GUSB: variants seen among roughly 807,000 people sequenced by gnomAD.
The protein encoded by GUSB is beta-glucuronidase.
GUSB carries 51 observed loss-of-function variants against 74.6 expected under a neutral mutation model. The ratio of observed to expected loss-of-function variants is 0.68; its 90% confidence interval spans 0.55 to 0.86. GUSB has a LOEUF of 0.86. Ranked by LOEUF, GUSB falls within the 40% of genes least tolerant of loss-of-function variation. The pLI is 0.00. For synonymous variants in GUSB, 360 were observed against 348.3 expected, an observed-to-expected ratio of 1.03 and a Z score of -0.37; for missense variants, 736 against 853.7, an observed-to-expected ratio of 0.86 and a Z score of 1.72.
chr7:65,962,196 G>T (rs1214655013), intron 11 of GUSB, among the ~76,000 whole-genome samples: 2 of 152,084 alleles, frequency 1.3e-5, no homozygotes, highest in African/African-American at 2.4e-5. Flanking sequence ...ACAGGTCCCT[G>T]CGTGGGACCT....
chr7:65,970,452 C>A, intron 8 of GUSB, 86 bp from the exon 9 acceptor site: 3 of 846,342 alleles, frequency 3.5e-6, no homozygotes, highest in South Asian at 1.4e-5. Flanking sequence ...CATCTTCCAC[C>A]GCCAGAACAC....
At chr7:65,968,905 G>A (rs1449217107) in intron 9 of GUSB, among the ~76,000 whole-genome samples, 1 of 152,076 alleles carries the variant, frequency 6.6e-6, no homozygotes, top group Non-Finnish European at 1.5e-5. Flanking sequence ...GGATCTTGAG[G>A]GAGCTTTCAC....
Position 65,961,033 on chromosome 7 carries a change from C to A in GUSB, c.1820G>T (p.Gly607Val). 6.2e-7 allele frequency: 1 copy of A among 1,613,658 alleles called. No individual in the cohort carries two copies. The highest frequency in any genetic ancestry group is 8.5e-7 in the Non-Finnish European group (1 of 1,179,918). Residue 607 changes from glycine (G) to valine (V), a missense_variant, in exon 12 of 12, where the codon GGG becomes GTG. Physicochemically the swap from Gly to Val is moderately radical, Grantham distance 109. Around this residue, in one of 2 missense-constraint regions of GUSB, gnomAD observed 368 missense variants for 489.9 expected, o/e 0.75. Coordinates refer to ENST00000304895, the MANE Select transcript of GUSB (RefSeq NM_000181.4). ...SPTRVLGNKK[G>V]IFTRQRQPKS... ...TGGTTGTCTCTGCCGAGTGAAGATC[C>A]CCTTTTTATTCCCCAGCACTCTCGT...
chr7:65,980,184 T>TGGGGGGGGGG, intron 2 of GUSB, 40 bp downstream of exon 2: 3 of 720,098 alleles, frequency 4.2e-6, no homozygotes, highest in Non-Finnish European at 7.4e-6. Flanking sequence ...TCAGCAGCCG[T>TGGGGGGGGGG]GCCCCCCCAC....
chr7:65,972,025 G>A (rs1791246139), intron 8 of GUSB, among the ~76,000 whole-genome samples: 1 of 152,058 alleles, frequency 6.6e-6, no homozygotes, highest in Non-Finnish European at 1.5e-5. Context: ...GGCAACAAGT[G>A]CAAAACTCCA....
At chr7:65,978,793 A>C (rs1791776791) in intron 4 of GUSB, among the ~76,000 whole-genome samples, 1 of 151,950 alleles carries the variant, frequency 6.6e-6, no homozygotes, top group Non-Finnish European at 1.5e-5. Context: ...GAAGAAAAAA[A>C]GAAAGACAGG....
intron 8 of GUSB, 107 bp downstream of exon 8, chr7:65,974,188 A>T: frequency 9.5e-7 from 1 of 1,057,368 alleles, no homozygotes; most frequent in Non-Finnish European, 1.5e-6. Flanking sequence ...CGGCCTTCCC[A>T]TTGGGCTGGA....
At chr7:65,974,021 C>G (rs1791390122) in intron 8 of GUSB, among the ~76,000 whole-genome samples, 1 of 151,484 alleles carries the variant, frequency 6.6e-6, no homozygotes, top group Non-Finnish European at 1.5e-5. Context: ...CACTTGAACC[C>G]AGGAGGCAGA....
chr7:65,977,757 C>T (rs1419651499), intron 4 of GUSB, among the ~76,000 whole-genome samples: 5 of 151,816 alleles, frequency 3.3e-5, no homozygotes, highest in Non-Finnish European at 5.9e-5. Context: ...TGCACTCCAG[C>T]CTGGGCCACA....
intron 8 of GUSB, among the ~76,000 whole-genome samples, chr7:65,973,840 A>G (rs533665225): frequency 6.6e-6 from 1 of 152,226 alleles, no homozygotes; most frequent in African/African-American, 2.4e-5. Flanking sequence ...CTGAGACAGG[A>G]GGATCACCTG....
chr7:65,970,195 G>T, intron 9 of GUSB, 87 bp downstream of exon 9: 1 of 814,398 alleles, frequency 1.2e-6, no homozygotes, highest in South Asian at 1.3e-5. Context: ...GGCAGCGCAT[G>T]GTTCTTCCTG....
In GUSB at chr7:65,964,397, C is replaced by T; in HGVS notation, c.1715G>A (p.Gly572Asp). 1 of 1,610,706 alleles carries T rather than the reference C, an allele frequency of 6.2e-7. No homozygotes were observed. The highest frequency in any genetic ancestry group is 1.1e-5 in the South Asian group (1 of 90,976). The change falls in exon 11 of 12, where the codon GGT (glycine) becomes GAT (aspartate). Residue 572 changes from glycine (G) to aspartate (D), a missense_variant. By Grantham distance (94) the Gly-to-Asp change is moderately conservative. Around this residue, in one of 2 missense-constraint regions of GUSB, gnomAD observed 368 missense variants for 489.9 expected, o/e 0.75. Transcript: ENST00000304895. Reference sequence around the variant, plus strand: ...GTATTTTCTGCGTTTTTGATCCAGACCCAGATGGTACTGCTCTAGCAGACT... The same window carrying T: ...GTATTTTCTGCGTTTTTGATCCAGATCCAGATGGTACTGCTCTAGCAGACT... ...QKSLLEQYHL[G>D]LDQKRRKYVV...
Position 65,974,302 on chromosome 7 carries a change from A to T in GUSB, c.1384T>A (p.Tyr462Asn). 1 of 1,613,988 alleles carries T rather than the reference A, an allele frequency of 6.2e-7. No individual in the cohort carries two copies. Among genetic ancestry groups the T allele is most frequent in the South Asian group, 1.1e-5 (1 of 91,056 alleles). ...CAGGGAGGGAGCACTCACTTCAAGT[A>T]GTAGCCAGCAGATTCTAGGTGGGAC... ...PASHLESAGY[Y>N]LKMVIAHTKS... The change falls in exon 8 of 12, where the codon TAC (tyrosine) becomes AAC (asparagine). Residue 462 changes from tyrosine (Y) to asparagine (N), a missense_variant. By Grantham distance (143) the Tyr-to-Asn change is moderately radical. This residue lies in a region of GUSB where 368 missense variants were observed against 489.9 expected (regional missense o/e 0.75). Coordinates refer to ENST00000304895, the MANE Select transcript of GUSB (RefSeq NM_000181.4).
intron 10 of GUSB, 119 bp downstream of exon 10, chr7:65,967,612 G>A: frequency 1.2e-6 from 1 of 861,180 alleles, no homozygotes. Context: ...GGGGCCGTGG[G>A]AGGAGAGCCC....
In GUSB at chr7:65,979,558, G is replaced by A. The variant is rs760650363; in HGVS notation, c.582-17C>T. On this transcript the variant is annotated splice_polypyrimidine_tract_variant and intron_variant, in intron 3 of 11. Coordinates refer to ENST00000304895, the MANE Select transcript of GUSB (RefSeq NM_000181.4). ...TTGGGATACCTAGGATGGGAGGACT[G>A]TGGTTTGCTGGGCCCTTGCTCTGGG... The A allele has an allele frequency of 1.5e-5, 25 of 1,613,972 alleles. No homozygotes were observed. The African/African-American group carries it at 2.1e-4, about 14-fold the overall frequency.
At chr7:65,976,988 A>G (rs1429070312) in intron 4 of GUSB, among the ~76,000 whole-genome samples, 1 of 151,976 alleles carries the variant, frequency 6.6e-6, no homozygotes, top group Non-Finnish European at 1.5e-5. Context: ...AAGCATGTAC[A>G]GCTACTACGC....
chr7:65,978,503 C>CA (rs1273513300), intron 4 of GUSB, among the ~76,000 whole-genome samples: 1 of 151,788 alleles, frequency 6.6e-6, no homozygotes, highest in African/African-American at 2.4e-5. Context: ...CACAGTGGCT[C>CA]ACGCCTGTAA....
chr7:65,965,716 A>G (rs4717280), intron 10 of GUSB, among the ~76,000 whole-genome samples: 47,346 of 151,712 alleles, frequency 0.31, 8,643 homozygotes, highest in East Asian at 0.46. Flanking sequence ...TTTTGTAGAG[A>G]TGGGGTCTAT....
chr7:65,980,185 G>GCGGC, intron 2 of GUSB, 39 bp downstream of exon 2: 4 of 725,274 alleles, frequency 5.5e-6, no homozygotes, highest in South Asian at 1.5e-5. Flanking sequence ...CAGCAGCCGT[G>GCGGC]CCCCCCCACC....
Sources: allele counts gnomAD v4.1 joint callset (sites outside exome capture counted in the v4.1 genomes callset), GRCh38; gene constraint gnomAD v4.1.1; regional missense constraint gnomAD v4.1.1; transcripts MANE v1.5; gene names NCBI Gene and HGNC (gene_info 2026-07-23, HGNC 2026-07-21).